The following LRP12 variants were observed in gnomAD, a reference collection of about 807,000 sequenced individuals.
The protein encoded by LRP12 is LDL receptor related protein 12, also known as low-density lipoprotein receptor-related protein 12.
In LRP12, 14 loss-of-function variants were observed where a neutral mutation model predicts 66.0. The ratio of observed to expected loss-of-function variants is 0.21; its 90% CI spans 0.14 to 0.33. The LOEUF is 0.33. LRP12 is among the 10% of genes least tolerant of loss of function. The probability of loss-of-function intolerance (pLI) is 1.00; values close to 1 mark genes in which losing one functional copy is unlikely to be tolerated. For synonymous variants in LRP12, 357 were observed against 359.1 expected (o/e 0.99, Z 0.07); for missense variants, 889 against 1,053.4 (o/e 0.84, Z 2.16).
chr8:104,555,359 T>C (rs1412290713), intron 1 of LRP12, among the ~76,000 whole-genome samples: 1 of 152,116 alleles, frequency 6.6e-6, no homozygotes, highest in African/African-American at 2.4e-5. Flanking sequence ...ATCCTCCACT[T>C]AGAAGACATA....
At chr8:104,520,680 T>C (rs1811132605) in intron 2 of LRP12, among the ~76,000 whole-genome samples, 1 of 152,096 alleles carries the variant, frequency 6.6e-6, no homozygotes, top group Non-Finnish European at 1.5e-5. Context: ...TGCAGTTTAA[T>C]ATCAAATCAC....
chr8:104,528,644 G>A (rs963089012), intron 2 of LRP12, among the ~76,000 whole-genome samples: 4 of 151,622 alleles, frequency 2.6e-5, no homozygotes, highest in African/African-American at 7.3e-5. Context: ...GCGTGGTGGC[G>A]CACACCTGTA....
intron 1 of LRP12, among the ~76,000 whole-genome samples, chr8:104,587,801 A>G (rs987689724): frequency 2.0e-5 from 3 of 152,236 alleles, no homozygotes; most frequent in Admixed American, 6.5e-5. Flanking sequence ...TATAAGTAAA[A>G]TTTACCAAAG....
At chr8:104,501,703 CA>C (rs35580913) in intron 3 of LRP12, among the ~76,000 whole-genome samples, 29,747 of 118,522 alleles carry the variant, frequency 0.25, 3,049 homozygotes, top group South Asian at 0.37. Flanking sequence ...GACTCCACCT[CA>C]AAAAAAAAAA....
intron 1 of LRP12, among the ~76,000 whole-genome samples, chr8:104,547,460 TTC>T (rs1213618873): frequency 1.5e-5 from 2 of 135,304 alleles, no homozygotes; most frequent in African/African-American, 2.7e-5. Flanking sequence ...TAATATATAA[TTC>T]TGTTATATTT....
intron 2 of LRP12, among the ~76,000 whole-genome samples, chr8:104,524,708 T>C (rs562972553): frequency 1.3e-5 from 2 of 152,324 alleles, no homozygotes; most frequent in African/African-American, 4.8e-5. Context: ...TATTAATTAT[T>C]GTAGGAAGGT....
At chr8:104,539,463 A>T (rs189732870) in intron 1 of LRP12, among the ~76,000 whole-genome samples, 4 of 151,936 alleles carry the variant, frequency 2.6e-5, no homozygotes, top group African/African-American at 9.7e-5. Flanking sequence ...ATTTTCACAA[A>T]TATTTGAAAT....
intron 2 of LRP12, among the ~76,000 whole-genome samples, chr8:104,509,981 G>C (rs992878191): frequency 9.2e-5 from 14 of 152,186 alleles, no homozygotes; most frequent in African/African-American, 3.4e-4. Flanking sequence ...GTTTTGGGCA[G>C]GCAAGGAAAT....
intron 1 of LRP12, among the ~76,000 whole-genome samples, chr8:104,572,547 G>A (rs964530141): frequency 9.2e-5 from 14 of 152,048 alleles, no homozygotes; most frequent in South Asian, 2.1e-4. Context: ...TGAGAAGAAC[G>A]TCTAAAATAA....
At position 104,588,970 on chromosome 8, in the gene LRP12, A is replaced by ACGCCGACGCCGCCGACGCCGCCGCCGC. The variant is rs1554712979; in HGVS notation, c.-74_-73insGCGGCGGCGGCGTCGGCGGCGTCGGCG. Reference sequence around the variant, plus strand: ...GAGAAGCTGGAGGTAGACGACGCCGACGCCGCCGCCGCCGCCGCCGCCGCC... The same window carrying ACGCCGACGCCGCCGACGCCGCCGCCGC: ...GAGAAGCTGGAGGTAGACGACGCCGACGCCGACGCCGCCGACGCCGCCGCCGCCGCCGCCGCCGCCGCCGCCGCCGCC... On this transcript the variant is annotated 5_prime_UTR_variant, in exon 1 of 7. Coordinates refer to ENST00000276654, the MANE Select transcript of LRP12 (RefSeq NM_013437.5). 1.7e-6 allele frequency: 1 copy of ACGCCGACGCCGCCGACGCCGCCGCCGC among 573,882 alleles called. No homozygotes were observed. The highest frequency in any genetic ancestry group is 2.5e-5 in the African/African-American group (1 of 39,946). The allele number at this position is 573,882 out of a possible 1,614,324, so 35.5% of individuals were successfully genotyped here. A position where few individuals can be genotyped will look rare whatever the true frequency, so the allele number is the denominator to read the frequency against.
intron 6 of LRP12, 57 bp downstream of exon 6, chr8:104,495,020 C>T: frequency 1.3e-6 from 2 of 1,531,982 alleles, no homozygotes; most frequent in Non-Finnish European, 1.8e-6. Context: ...ATCATATATA[C>T]AGGCGCAGAT....
intron 1 of LRP12, among the ~76,000 whole-genome samples, chr8:104,535,686 AT>A (rs921059574): frequency 7.3e-5 from 11 of 151,616 alleles, no homozygotes; most frequent in Admixed American, 5.9e-4. Context: ...TAGTTTGGTA[AT>A]TTTTTTTTCC....
At chr8:104,511,333 C>G (rs949806223) in intron 2 of LRP12, among the ~76,000 whole-genome samples, 1 of 151,536 alleles carries the variant, frequency 6.6e-6, no homozygotes, top group Non-Finnish European at 1.5e-5. Flanking sequence ...TGAGCCACCG[C>G]GCCCAGCATT....
intron 3 of LRP12, chr8:104,505,976 A>T (rs538133568): frequency 6.6e-6 from 1 of 152,172 alleles, no homozygotes; most frequent in Non-Finnish European, 1.5e-5. Context: ...CCATGACAGT[A>T]TTTATAGCAC....
At chr8:104,551,027 A>G (rs1317495517) in intron 1 of LRP12, among the ~76,000 whole-genome samples, 2 of 152,172 alleles carry the variant, frequency 1.3e-5, no homozygotes, top group Non-Finnish European at 2.9e-5. Flanking sequence ...AAGGCTCACC[A>G]TAATCTGGCT....
intron 1 of LRP12, among the ~76,000 whole-genome samples, chr8:104,540,687 A>G (rs1479553442): frequency 1.3e-5 from 2 of 152,216 alleles, no homozygotes; most frequent in Non-Finnish European, 2.9e-5. Flanking sequence ...ATAATTATTT[A>G]TAACATTACT....
At chr8:104,564,164 A>G (rs1052657849) in intron 1 of LRP12, among the ~76,000 whole-genome samples, 6 of 152,216 alleles carry the variant, frequency 3.9e-5, no homozygotes, top group African/African-American at 1.4e-4. Context: ...ATGATACTCC[A>G]GATATGTAAA....
At chr8:104,498,497 T>C (rs908199284) in intron 4 of LRP12, among the ~76,000 whole-genome samples, 4 of 152,144 alleles carry the variant, frequency 2.6e-5, no homozygotes, top group African/African-American at 7.2e-5. Context: ...CTGTGTTATT[T>C]TGCTGAGGAT....
intron 1 of LRP12, among the ~76,000 whole-genome samples, chr8:104,543,167 T>C (rs890425155): frequency 6.6e-6 from 1 of 152,070 alleles, no homozygotes; most frequent in Non-Finnish European, 1.5e-5. Flanking sequence ...TGCTTTATGA[T>C]ACTTTGCAGA....
Sources: allele counts gnomAD v4.1 joint callset (sites outside exome capture counted in the v4.1 genomes callset), GRCh38; gene constraint gnomAD v4.1.1; transcripts MANE v1.5; gene names NCBI Gene and HGNC (gene_info 2026-07-23, HGNC 2026-07-21).